The following PPFIA1 variants were observed in gnomAD, a reference collection of about 807,000 sequenced individuals.
The protein encoded by PPFIA1 is liprin-alpha-1.
PPFIA1 carries 25 observed loss-of-function variants against 149.9 expected under a neutral mutation model. The observed-to-expected ratio is 0.17, with a 90% CI of 0.12 to 0.23. The LOEUF (loss-of-function observed/expected upper bound fraction) is 0.23, where lower values mean the gene tolerates loss of function less well. Among genes scored for constraint, PPFIA1 ranks in the 10% least tolerant of loss-of-function variants. PPFIA1 has a pLI of 1.00. For synonymous variants in PPFIA1, 549 were observed against 552.8 expected, an observed-to-expected ratio of 0.99 and a Z score of 0.10; for missense variants, 1,362 against 1,506.5, an observed-to-expected ratio of 0.90 and a Z score of 1.59.
In PPFIA1 at chr11:70,334,431, A is replaced by G. The variant is rs529756849; in HGVS notation, c.1296+878A>G. On this transcript the variant is annotated intron_variant, in intron 10 of 27. Coordinates refer to ENST00000253925, the MANE Select transcript of PPFIA1 (RefSeq NM_003626.5). The stretch of plus-strand genomic sequence containing the variant: ...GAAACGACGATTCCGACTCCCAGTG[A>G]GAGGGTGCATTTTAGGCAGTCCCCA... 4.6e-5 allele frequency: 7 copies of G among 152,338 alleles called. No homozygotes were observed. In the South Asian group the frequency reaches 1.0e-3, roughly 23 times the overall value. The allele number at this position is 152,338 out of a possible 1,614,324, so 9.4% of individuals were successfully genotyped here.
intron 14 of PPFIA1, among the ~76,000 whole-genome samples, chr11:70,343,191 C>T (rs1474792930): frequency 1.3e-5 from 2 of 152,184 alleles, no homozygotes; most frequent in Non-Finnish European, 2.9e-5. Flanking sequence ...CAGGTGATCA[C>T]CCACCTCAGC....
chr11:70,325,654 A>G (rs2054221468), intron 5 of PPFIA1, 80 bp downstream of exon 5: 1 of 1,159,698 alleles, frequency 8.6e-7, no homozygotes, highest in Non-Finnish European at 1.3e-6. Flanking sequence ...GCATAAGGCC[A>G]GACGTGGTGG....
intron 2 of PPFIA1, among the ~76,000 whole-genome samples, chr11:70,302,424 T>C (rs751520617): frequency 5.3e-5 from 8 of 152,038 alleles, no homozygotes; most frequent in Non-Finnish European, 8.8e-5. Context: ...GAGAGCCTCG[T>C]GGGAGGATGG....
At chr11:70,358,556 T>C (rs58856180) in intron 19 of PPFIA1, 3 of 152,226 alleles carry the variant, frequency 2.0e-5, no homozygotes, top group Non-Finnish European at 4.4e-5. Context: ...AAAAAAAGTT[T>C]GCGTTTTCCA....
intron 15 of PPFIA1, among the ~76,000 whole-genome samples, 194 bp downstream of exon 15, chr11:70,344,086 C>A (rs543587151): frequency 7.9e-5 from 12 of 152,330 alleles, no homozygotes; most frequent in Admixed American, 7.8e-4. Flanking sequence ...GTAACCAGGG[C>A]ACTCTCCCCA....
intron 2 of PPFIA1, among the ~76,000 whole-genome samples, chr11:70,302,224 T>A (rs563866245): frequency 6.6e-6 from 1 of 152,070 alleles, no homozygotes; most frequent in East Asian, 1.9e-4. Flanking sequence ...ATGGCAGCAG[T>A]GGGAAGAGAG....
At chr11:70,337,693 G>A (rs2137034238) in intron 12 of PPFIA1, among the ~76,000 whole-genome samples, 1 of 152,284 alleles carries the variant, frequency 6.6e-6, no homozygotes, top group Non-Finnish European at 1.5e-5. Context: ...TGACAGTGCT[G>A]TCCAACAGAA....
chr11:70,325,778 C>T (rs1202654043), intron 5 of PPFIA1, among the ~76,000 whole-genome samples: 4 of 151,832 alleles, frequency 2.6e-5, no homozygotes, highest in Admixed American at 6.6e-5. Context: ...ACTAAAAATA[C>T]AAAAATTAGC....
intron 17 of PPFIA1, 85 bp downstream of exon 17, chr11:70,354,537 A>G: frequency 1.4e-6 from 2 of 1,400,428 alleles, no homozygotes; most frequent in Non-Finnish European, 9.5e-7. Context: ...TTCCTTGAGT[A>G]AAACAGTGAT....
intron 23 of PPFIA1, 123 bp from the exon 24 acceptor site, chr11:70,374,795 C>T: frequency 2.4e-6 from 2 of 841,132 alleles, no homozygotes; most frequent in Non-Finnish European, 3.7e-6. Context: ...TGTCTCCCAG[C>T]ACTTTTCTCA....
rs1405537094 is a variant in PPFIA1, at chr11:70,332,014, C to T, written c.1132C>T (p.Leu378=). 5.6e-6 allele frequency: 9 copies of T among 1,613,150 alleles called. No homozygotes were observed. In the Admixed American group the frequency reaches 1.5e-4, roughly 27 times the overall value. Residue 378 remains leucine (L), a synonymous_variant, in exon 9 of 28, where the codon CTG becomes TTG. Transcript: ENST00000253925. The part of the protein sequence containing the change: ...QERLELAEQK[L]QQTLRKAETL... The stretch of plus-strand genomic sequence containing the variant: ...GCGCTTGGAATTGGCAGAGCAAAAG[C>T]TGCAACAGACACTGAGGAAGGCAGA...
chr11:70,301,074 T>C (rs1259826180), intron 2 of PPFIA1, among the ~76,000 whole-genome samples: 2 of 152,228 alleles, frequency 1.3e-5, no homozygotes, highest in Non-Finnish European at 2.9e-5. Context: ...CTCGCCTACA[T>C]ACCTGTTAGA....
chr11:70,273,851 C>T (rs1187926233), intron 2 of PPFIA1, among the ~76,000 whole-genome samples: 1 of 152,096 alleles, frequency 6.6e-6, no homozygotes, highest in South Asian at 2.1e-4. Flanking sequence ...ATTTAAGGTA[C>T]ACGTATTGAA....
intron 25 of PPFIA1, among the ~76,000 whole-genome samples, chr11:70,377,359 A>G (rs1204696612): frequency 6.6e-6 from 1 of 152,208 alleles, no homozygotes; most frequent in African/African-American, 2.4e-5. Flanking sequence ...CCTTAAAACC[A>G]TGACTCATTT....
intron 24 of PPFIA1, 88 bp downstream of exon 24, chr11:70,375,181 T>A (rs12289655): frequency 6.6e-4 from 94 of 141,526 alleles, no homozygotes; most frequent in Non-Finnish European, 7.4e-4. Context: ...AAAGAAACTT[T>A]AAAAAAAAAA....
chr11:70,332,157 C>T (rs1591247097), intron 9 of PPFIA1, 63 bp downstream of exon 9: 3 of 1,489,822 alleles, frequency 2.0e-6, no homozygotes, highest in Non-Finnish European at 2.7e-6. Flanking sequence ...TGCCTGTGTA[C>T]CTTGTTTGTC....
At chr11:70,279,194 T>A (rs1236320486) in intron 2 of PPFIA1, 1 of 426,606 alleles carries the variant, frequency 2.3e-6, no homozygotes, top group East Asian at 5.4e-5. Flanking sequence ...ATTTCAGGTG[T>A]CAGTGAATAC....
At chr11:70,350,365 A>G (rs1157313198) in intron 16 of PPFIA1, among the ~76,000 whole-genome samples, 1 of 152,198 alleles carries the variant, frequency 6.6e-6, no homozygotes, top group East Asian at 1.9e-4. Context: ...CAGCCTGTTG[A>G]GTCTCATCAA....
intron 11 of PPFIA1, among the ~76,000 whole-genome samples, chr11:70,336,584 C>T (rs2054995419): frequency 6.6e-6 from 1 of 151,806 alleles, no homozygotes; most frequent in Non-Finnish European, 1.5e-5. Context: ...AGAAAGGGTT[C>T]AGTCAGCTGA....
Sources: allele counts gnomAD v4.1 joint callset (sites outside exome capture counted in the v4.1 genomes callset), GRCh38; gene constraint gnomAD v4.1.1; transcripts MANE v1.5; gene names NCBI Gene and HGNC (gene_info 2026-07-23, HGNC 2026-07-21).